APP: variants seen among roughly 807,000 people sequenced by gnomAD.
APP encodes amyloid-beta precursor protein.
A neutral mutation model predicts 101.4 loss-of-function variants in APP; 31 were observed. That is an observed-to-expected ratio of 0.31 (90% confidence interval 0.23 to 0.41). APP has a LOEUF of 0.41. Ranked by LOEUF, APP falls within the 10% of genes least tolerant of loss-of-function variation. The probability of loss-of-function intolerance (pLI) is 1.00; values close to 1 mark genes in which losing one functional copy is unlikely to be tolerated. For synonymous variants in APP, 366 were observed against 364.4 expected, an observed-to-expected ratio of 1.00 and a Z score of -0.05; for missense variants, 839 against 1,003.7, an observed-to-expected ratio of 0.84 and a Z score of 2.22.
chr21:26,060,354 C>G (rs143616924), intron 3 of APP, among the ~76,000 whole-genome samples: 1 of 152,262 alleles, frequency 6.6e-6, no homozygotes, highest in East Asian at 1.9e-4. Context: ...AGCAGAGAAT[C>G]TGAGTGATCA....
rs185909438 is a variant in APP at position 25,944,263 on chromosome 21, C to T, written c.1687+10327G>A. 2.4e-3 allele frequency among the ~76,000 whole-genome samples: 362 copies of T among 152,284 alleles called. 2 individuals carry two copies. Among genetic ancestry groups the T allele is most frequent in the African/African-American group, 8.3e-3 (343 of 41,562 alleles). ...AAATTAAGTAACGCCCTGGCCTTGA[C>T]CCTCTGACCCCGTTTCATGCTCGAA... On this transcript the variant is annotated intron_variant, in intron 13 of 17. Transcript: ENST00000346798.
At chr21:26,149,009 T>TA (rs1021894719) in intron 1 of APP, among the ~76,000 whole-genome samples, 11 of 152,126 alleles carry the variant, frequency 7.2e-5, no homozygotes, top group African/African-American at 2.4e-4. Flanking sequence ...AAAAGGGAAA[T>TA]AATGGAATTG....
chr21:26,136,144 G>A (rs416527), intron 1 of APP, among the ~76,000 whole-genome samples: 50 of 108,580 alleles, frequency 4.6e-4, no homozygotes, highest in East Asian at 2.6e-3. Context: ...AAAGAAAAAA[G>A]AAAAGAAAAG....
chr21:25,900,987 C>CAAAAAAAAAAAAAAAAAAA (rs71183520), intron 15 of APP, among the ~76,000 whole-genome samples: 15 of 118,566 alleles, frequency 1.3e-4, no homozygotes, highest in African/African-American at 4.2e-4. Context: ...GACTCCATCT[C>CAAAAAAAAAAAAAAAAAAA]AAAAAAAAAA....
intron 11 of APP, among the ~76,000 whole-genome samples, chr21:25,959,119 T>G (rs986602776): frequency 6.6e-6 from 1 of 152,178 alleles, no homozygotes; most frequent in African/African-American, 2.4e-5. Flanking sequence ...AAGTTTAAGA[T>G]AGTTCTACAA....
chr21:26,062,525 G>A (rs560501922), intron 3 of APP, among the ~76,000 whole-genome samples: 3 of 151,588 alleles, frequency 2.0e-5, no homozygotes, highest in African/African-American at 7.3e-5. Flanking sequence ...AGCTGGGCAT[G>A]GTGGCGGGTG....
intron 13 of APP, among the ~76,000 whole-genome samples, chr21:25,953,413 G>GT (rs2041178039): frequency 1.3e-5 from 2 of 152,032 alleles, no homozygotes; most frequent in African/African-American, 4.8e-5. Flanking sequence ...ATGGGAAAAA[G>GT]TGAGGGCCAG....
At chr21:26,157,226 C>T (rs563619367) in intron 1 of APP, among the ~76,000 whole-genome samples, 4 of 152,214 alleles carry the variant, frequency 2.6e-5, no homozygotes, top group African/African-American at 4.8e-5. Context: ...TGCACCACCA[C>T]GCTCGGCTGA....
intron 9 of APP, among the ~76,000 whole-genome samples, chr21:25,978,221 C>A (rs2042294046): frequency 6.6e-6 from 1 of 152,144 alleles, no homozygotes; most frequent in African/African-American, 2.4e-5. Context: ...CCTATACCCC[C>A]ACAAATAAAC....
chr21:25,929,378 C>A (rs1289725690), intron 13 of APP, among the ~76,000 whole-genome samples: 1 of 151,784 alleles, frequency 6.6e-6, no homozygotes, highest in African/African-American at 2.4e-5. Flanking sequence ...CAGAAATAAT[C>A]AAGAGTAGTG....
intron 6 of APP, among the ~76,000 whole-genome samples, chr21:26,001,012 T>C (rs1017144542): frequency 6.6e-6 from 1 of 152,086 alleles, no homozygotes; most frequent in Non-Finnish European, 1.5e-5. Flanking sequence ...TATAACAATG[T>C]ATTATTTAAT....
chr21:25,958,397 CT>C (rs2041418870), intron 11 of APP, among the ~76,000 whole-genome samples: 1 of 152,160 alleles, frequency 6.6e-6, no homozygotes, highest in African/African-American at 2.4e-5. Flanking sequence ...CTGCCTCAGT[CT>C]CCTGAGTAGC....
Position 26,154,958 on chromosome 21 carries a change from T to C in APP, c.57+15606A>G, listed in dbSNP as rs890677751. Among the ~76,000 whole-genome samples the C allele has an allele frequency of 1.4e-4, 21 of 152,316 alleles. 1 individual carries two copies. Among genetic ancestry groups the C allele is most frequent in the Middle Eastern group, 3.4e-3 (1 of 294 alleles). On this transcript the variant is annotated intron_variant, in intron 1 of 17. Transcript: ENST00000346798. ...CATGCAGCTGGTCTGAATTAAAATA[T>C]GTGAAATATGTAATCAGGTGCGGTG...
intron 2 of APP, among the ~76,000 whole-genome samples, chr21:26,104,418 T>G (rs760117128): frequency 4.6e-5 from 7 of 151,842 alleles, no homozygotes; most frequent in Non-Finnish European, 7.4e-5. Flanking sequence ...ACTATTACGA[T>G]TGGGAAAGAG....
intron 6 of APP, among the ~76,000 whole-genome samples, chr21:26,018,759 GC>G (rs1277168118): frequency 6.6e-6 from 1 of 152,128 alleles, no homozygotes; most frequent in Non-Finnish European, 1.5e-5. Context: ...CAGGTATCTT[GC>G]TTTCAGAAGG....
intron 17 of APP, among the ~76,000 whole-genome samples, chr21:25,888,298 G>A (rs2013782598): frequency 6.6e-6 from 1 of 152,148 alleles, no homozygotes; most frequent in Admixed American, 6.5e-5. Flanking sequence ...GCAGACGCTG[G>A]AATGCTAAGA....
chr21:26,027,720 G>C (rs1256028158), intron 5 of APP, among the ~76,000 whole-genome samples: 2 of 152,188 alleles, frequency 1.3e-5, no homozygotes, highest in East Asian at 3.9e-4. Flanking sequence ...ATCTAGTTGT[G>C]TGGTCTTAAA....
intron 5 of APP, among the ~76,000 whole-genome samples, chr21:26,043,355 C>A (rs2045462061): frequency 6.6e-6 from 1 of 152,128 alleles, no homozygotes. Flanking sequence ...CTGGCAGTCT[C>A]CCCAGTAGCT....
At chr21:26,079,638 G>A (rs2061557354) in intron 3 of APP, among the ~76,000 whole-genome samples, 1 of 152,182 alleles carries the variant, frequency 6.6e-6, no homozygotes, top group African/African-American at 2.4e-5. Context: ...ACAGCTTCAG[G>A]AAGTCCTGAA....
Sources: gnomAD v4.1 joint callset for allele counts (sites outside exome capture counted in the v4.1 genomes callset) on GRCh38, gnomAD v4.1.1 for gene constraint, MANE v1.5 for transcripts, NCBI Gene and HGNC (gene_info 2026-07-23, HGNC 2026-07-21) for gene names.